Variants in PNMA6E observed in about 807,000 individuals in gnomAD.
PNMA6E encodes the protein PNMA family member 6E, also known as paraneoplastic antigen Ma6E.
For missense variants in PNMA6E, 78 were observed against 50.8 expected (o/e 1.53, Z -1.63); for synonymous variants, 43 against 17.1 (o/e 2.52, Z -3.74).
intron 1 of PNMA6E, among the ~76,000 whole-genome samples, chrX:153,399,694 T>C (rs1556970958): frequency 8.9e-6 from 1 of 111,855 alleles, no homozygotes; most frequent in Admixed American, 9.5e-5. Context: ...ATTTTGGTAC[T>C]CTTTAAAAAG....
At chrX:153,401,527 G>A (rs994566463), upstream of PNMA6E, 12 of 111,896 alleles carry the variant, frequency 1.1e-4, no homozygotes, top group African/African-American at 3.9e-4. Flanking sequence ...TTGTTACCAT[G>A]ACGACTACAC....
At chrX:153,399,505 G>A (rs1956638202) in intron 1 of PNMA6E, among the ~76,000 whole-genome samples, 2 of 110,822 alleles carry the variant, frequency 1.8e-5, no homozygotes, top group Admixed American at 9.6e-5. Context: ...GCTAACACAC[G>A]TGGTTAAATT....
upstream of PNMA6E, among the ~76,000 whole-genome samples, chrX:153,402,014 G>A (rs1028547058): frequency 1.5e-4 from 16 of 109,548 alleles, no homozygotes; most frequent in Admixed American, 4.8e-4. Flanking sequence ...TAGTAGAGAC[G>A]GGGTTTCACC....
chrX:153,396,826 G>A lies in PNMA6E; in HGVS notation c.*80C>T, dbSNP rs907478226. ...CCCTTACTCCTGAATGTGGGGTGAG[G>A]GACTGGCCCTGGCCTGGCCTCTGTC... On this transcript the variant is annotated 3_prime_UTR_variant, in exon 2 of 2. Transcript: ENST00000445091. 14 of 296,392 alleles carry A rather than the reference G, an allele frequency of 4.7e-5. No homozygotes were observed. The highest frequency in any genetic ancestry group is 8.2e-5 in the Non-Finnish European group (14 of 170,032). 24.4% of individuals were successfully genotyped at this position (296,392 alleles called of 1,213,427 possible).
chrX:153,413,981 G>C, the PNMA6E span, among the ~76,000 whole-genome samples: 9 of 112,440 alleles, frequency 8.0e-5, no homozygotes, highest in South Asian at 3.7e-4. Flanking sequence ...GTTCACTCAG[G>C]GGGTCACCAC....
chrX:153,397,837 T>C lies in PNMA6E; in HGVS notation c.1013A>G (p.Glu338Gly), dbSNP rs2088820127. Residue 338 changes from glutamate (E) to glycine (G), a missense_variant, in exon 2 of 2, where the codon GAG becomes GGG. Transcript: ENST00000445091. ...ATCCTTGGCATGCTCCACCCAGCTC[T>C]CAAAGGACTCTTCCTCGCAGCCTGG... is the stretch of plus-strand genomic sequence containing the variant. ...EQPGCEEESF[E>G]SWVEHAKDML... 3 of 328,989 alleles carry C rather than the reference T, an allele frequency of 9.1e-6. No individual in the cohort carries two copies. The Admixed American group carries it at 1.6e-4, about 17-fold the overall frequency. The allele number at this position is 328,989 out of a possible 1,213,427, so 27.1% of individuals were successfully genotyped here.
At position 153,397,227 on chromosome X, in the gene PNMA6E, C is replaced by T. The variant is rs2088814644; in HGVS notation, c.1623G>A (p.Glu541=). The change falls in exon 2 of 2, where the codon GAG becomes GAA. Residue 541 remains glutamate (E), a synonymous_variant. Coordinates refer to ENST00000445091, the MANE Select transcript of PNMA6E (RefSeq NM_001367770.1). ...CAGCCTCTTTGGTGGCAGAAGCGGC[C>T]TCGGCAGCATCTTCTGCTCCGGGAC... ...EAGPGAEDAA[E]AASATKEAAR... The T allele has an allele frequency of 6.7e-6, 2 of 296,922 alleles. No individual in the cohort carries two copies. Among genetic ancestry groups the T allele is most frequent in the Admixed American group, 1.2e-4 (2 of 16,497 alleles). The allele number at this position is 296,922 out of a possible 1,213,427, so 24.5% of individuals were successfully genotyped here.
At chrX:153,408,367 C>T in the PNMA6E span, among the ~76,000 whole-genome samples, 1 of 112,631 alleles carries the variant, frequency 8.9e-6, no homozygotes, top group African/African-American at 3.2e-5. Context: ...CTGGGCATTG[C>T]TCCCTCCTGG....
At position 153,396,970 on chromosome X, in the gene PNMA6E, G is replaced by C; in HGVS notation, c.1880C>G (p.Pro627Arg). The change falls in exon 2 of 2, where the codon CCG (proline) becomes CGG (arginine). Residue 627 changes from proline to arginine, a missense_variant. Physicochemically the swap from Pro to Arg is moderately radical, Grantham distance 103. Coordinates refer to ENST00000445091, the MANE Select transcript of PNMA6E (RefSeq NM_001367770.1). ...GGCCCCATCCTCATCCTCGTTTTCCGGCTCCTCCAAGATGGTCTGGAGCCC... is the reference window on the plus strand; with the variant it reads ...GGCCCCATCCTCATCCTCGTTTTCCCGCTCCTCCAAGATGGTCTGGAGCCC... Reference protein sequence around the residue: ...LEGLQTILEEPENEDEDGAGD... With the variant: ...LEGLQTILEERENEDEDGAGD... 2 of 297,745 alleles carry C rather than the reference G, an allele frequency of 6.7e-6. No homozygotes were observed. Among genetic ancestry groups the C allele is most frequent in the East Asian group, 9.5e-5 (2 of 21,038 alleles). 24.5% of individuals were successfully genotyped at this position (297,745 alleles called of 1,213,427 possible).
the PNMA6E span, among the ~76,000 whole-genome samples, chrX:153,411,926 G>C: frequency 8.9e-6 from 1 of 112,792 alleles, no homozygotes; most frequent in Non-Finnish European, 1.9e-5. Flanking sequence ...TGGGAGCTGC[G>C]GCCCGTGTCT....
At chrX:153,412,914 G>A in the PNMA6E span, among the ~76,000 whole-genome samples, 2 of 112,182 alleles carry the variant, frequency 1.8e-5, no homozygotes, top group Non-Finnish European at 3.8e-5. Flanking sequence ...TGCCCCCAGA[G>A]GGCAAGGCCT....
Position 153,396,147 on chromosome X carries a change from C to G in PNMA6E, c.*759G>C, listed in dbSNP as rs1193542478. 2.4e-5 allele frequency: 3 copies of G among 122,773 alleles called. No homozygotes were observed. In the East Asian group the frequency reaches 8.4e-4, roughly 35 times the overall value. The allele number at this position is 122,773 out of a possible 1,213,427, so 10.1% of individuals were successfully genotyped here. A position where few individuals can be genotyped will look rare whatever the true frequency, so the allele number is the denominator to read the frequency against. ...TCCGCCGTGCCCTGGTGCCTCCTTC[C>G]CGCCATCTCCTGGGACTGCGCTGGG... is the stretch of plus-strand genomic sequence containing the variant. On this transcript the variant is annotated 3_prime_UTR_variant, in exon 2 of 2. Coordinates refer to ENST00000445091, the MANE Select transcript of PNMA6E (RefSeq NM_001367770.1).
chrX:153,406,367 G>T (rs192790585), upstream of PNMA6E, among the ~76,000 whole-genome samples: 1 of 112,649 alleles, frequency 8.9e-6, no homozygotes, highest in South Asian at 3.7e-4. Flanking sequence ...GGGTGTATCT[G>T]ATTGGTAGAG....
At chrX:153,404,453 C>T (rs1032193029), upstream of PNMA6E, among the ~76,000 whole-genome samples, 3 of 110,299 alleles carry the variant, frequency 2.7e-5, no homozygotes, top group Non-Finnish European at 3.8e-5. Context: ...TTCTTGGTTT[C>T]TGTTATATTT....
upstream of PNMA6E, among the ~76,000 whole-genome samples, chrX:153,405,189 G>T (rs1283039440): frequency 3.6e-5 from 4 of 112,403 alleles, no homozygotes; most frequent in African/African-American, 1.3e-4. Context: ...GCCACCAGGA[G>T]TAATTTGTTA....
chrX:153,413,050 G>A, the PNMA6E span, among the ~76,000 whole-genome samples: 5 of 110,977 alleles, frequency 4.5e-5, no homozygotes, highest in South Asian at 3.8e-4. Flanking sequence ...TTCTCCAGCC[G>A]TTCTGCCAGG....
At chrX:153,402,736 T>C (rs1412161067), upstream of PNMA6E, among the ~76,000 whole-genome samples, 2 of 108,564 alleles carry the variant, frequency 1.8e-5, no homozygotes, top group Non-Finnish European at 3.8e-5. Context: ...TGAATTCTCT[T>C]AGCTTTCATG....
In PNMA6E at chrX:153,397,203, A is replaced by G. The variant is rs781902141; in HGVS notation, c.1647T>C (p.Ala549=). The G allele has an allele frequency of 1.1e-4, 32 of 296,882 alleles. 2 individuals are homozygous for G. 24.5% of individuals were successfully genotyped at this position (296,882 alleles called of 1,213,427 possible). A position where few individuals can be genotyped will look rare whatever the true frequency, so the allele number is the denominator to read the frequency against. Residue 549 remains alanine (A), a synonymous_variant, in exon 2 of 2, where the codon GCT becomes GCC. Coordinates refer to ENST00000445091, the MANE Select transcript of PNMA6E (RefSeq NM_001367770.1). ...CCCCAGCGGCAGGGGCTCCCCTTGC[A>G]GCCTCTTTGGTGGCAGAAGCGGCCT... is the stretch of plus-strand genomic sequence containing the variant. The part of the protein sequence containing the change: ...AAEAASATKE[A]ARGAPAAGEG...
Position 153,397,252 on chromosome X carries a change from C to T in PNMA6E, c.1598G>A (p.Gly533Asp), listed in dbSNP as rs1312576043. Residue 533 changes from glycine to aspartate, a missense_variant, in exon 2 of 2, where the codon GGT (glycine) becomes GAT (aspartate). Physicochemically the swap from Gly to Asp is moderately conservative, Grantham distance 94. Transcript: ENST00000445091. Reference sequence around the variant, plus strand: ...CTCGGCAGCATCTTCTGCTCCGGGACCAGCCTCGCTGGCATTCCCCTGGGC... The same window carrying T: ...CTCGGCAGCATCTTCTGCTCCGGGATCAGCCTCGCTGGCATTCCCCTGGGC... ...SPAQGNASEA[G>D]PGAEDAAEAA... is the part of the protein sequence containing the mutation. 3 of 296,929 alleles carry T rather than the reference C, an allele frequency of 1.0e-5. No individual in the cohort carries two copies. Among genetic ancestry groups the T allele is most frequent in the Non-Finnish European group, 1.2e-5 (2 of 170,166 alleles). The allele number at this position is 296,929 out of a possible 1,213,427, so 24.5% of individuals were successfully genotyped here. A position where few individuals can be genotyped will look rare whatever the true frequency, so the allele number is the denominator to read the frequency against.
Sources: gnomAD v4.1 joint callset for allele counts (sites outside exome capture counted in the v4.1 genomes callset) on GRCh38, gnomAD v4.1.1 for gene constraint, MANE v1.5 for transcripts, NCBI Gene and HGNC (gene_info 2026-07-23, HGNC 2026-07-21) for gene names.